FGF12: variants seen among roughly 807,000 people sequenced by gnomAD.
FGF12 encodes fibroblast growth factor 12.
FGF12 carries 14 observed loss-of-function variants against 23.6 expected under a neutral mutation model. That is an observed-to-expected ratio of 0.59 (90% confidence interval 0.39 to 0.93). The LOEUF (loss-of-function observed/expected upper bound fraction) is 0.93, where lower values mean the gene tolerates loss of function less well. Ranked by LOEUF, FGF12 falls within the 40% of genes least tolerant of loss-of-function variation. FGF12 has a pLI of 0.00. For missense variants in FGF12, 175 were observed against 217.8 expected (o/e 0.80, Z 1.24); for synonymous variants, 62 against 77.3 (o/e 0.80, Z 1.04).
chr3:192,145,028 T>G (rs9829249), intron 5 of FGF12, among the ~76,000 whole-genome samples: 94,767 of 152,044 alleles, frequency 0.62, 31,191 homozygotes, highest in Non-Finnish European at 0.73. Flanking sequence ...AAACCATCAT[T>G]ACAAAGATTT....
chr3:192,200,876 T>C (rs114580074), intron 4 of FGF12, among the ~76,000 whole-genome samples: 68 of 151,904 alleles, frequency 4.5e-4, no homozygotes, highest in Admixed American at 1.2e-3. Context: ...TAGGCTCCCA[T>C]TAGAACCAGA....
intron 2 of FGF12, among the ~76,000 whole-genome samples, chr3:192,507,366 CACACACACACACACAT>C (rs1373925164): frequency 1.2e-3 from 187 of 150,758 alleles, no homozygotes; most frequent in African/African-American, 4.0e-3. Context: ...CACACACACA[CACACACACACACACAT>C]ACAAGCACAC....
At chr3:192,197,609 A>G (rs1291101155) in intron 4 of FGF12, among the ~76,000 whole-genome samples, 1 of 152,114 alleles carries the variant, frequency 6.6e-6, no homozygotes. Context: ...GAACTCACCA[A>G]TGAGGTAACA....
intron 2 of FGF12, among the ~76,000 whole-genome samples, chr3:192,634,272 G>T (rs1353613118): frequency 2.0e-5 from 3 of 151,688 alleles, no homozygotes; most frequent in African/African-American, 4.8e-5. Context: ...TACATCCATG[G>T]ATTCAACCAA....
chr3:192,365,571 TA>T (rs754260058), intron 2 of FGF12, among the ~76,000 whole-genome samples: 7 of 151,894 alleles, frequency 4.6e-5, no homozygotes, highest in South Asian at 4.2e-4. Flanking sequence ...CTCTATAAAT[TA>T]AAAAAAATTC....
chr3:192,172,283 G>T (rs577498594), intron 4 of FGF12, among the ~76,000 whole-genome samples: 32 of 150,228 alleles, frequency 2.1e-4, no homozygotes, highest in African/African-American at 7.3e-4. Context: ...CAGCTACTCG[G>T]GAGGCTGAGG....
At chr3:192,454,991 G>C (rs1437398976) in intron 2 of FGF12, among the ~76,000 whole-genome samples, 1 of 151,944 alleles carries the variant, frequency 6.6e-6, no homozygotes, top group African/African-American at 2.4e-5. Flanking sequence ...TTTCAAATGG[G>C]GAGAATACTT....
intron 2 of FGF12, among the ~76,000 whole-genome samples, chr3:192,566,664 G>A (rs1280370888): frequency 1.3e-5 from 2 of 152,068 alleles, no homozygotes; most frequent in African/African-American, 4.8e-5. Flanking sequence ...AGATTTGTCC[G>A]TCATAATATT....
chr3:192,423,548 A>C (rs1297928221), intron 2 of FGF12, among the ~76,000 whole-genome samples: 1 of 152,198 alleles, frequency 6.6e-6, no homozygotes, highest in African/African-American at 2.4e-5. Context: ...ACGTGCAAAG[A>C]TTTAGATATG....
In FGF12 at chr3:192,408,280, C is replaced by T. The variant is rs963692415; in HGVS notation, c.14-47742G>A. Reference sequence around the variant, plus strand: ...TCTACTGCGCCCTCCGGCTTGCGCTCCGCCGGGGCGAGGGCAGGACCTGGG... The same window carrying T: ...TCTACTGCGCCCTCCGGCTTGCGCTTCGCCGGGGCGAGGGCAGGACCTGGG... On this transcript the variant is annotated intron_variant, in intron 2 of 5. Transcript: ENST00000445105. This position sits in a 1 kb window ranked among gnomAD's most constrained non-coding sequence, Gnocchi z 7.3. The T allele has an allele frequency of 2.0e-6, 3 of 1,498,846 alleles. No homozygotes were observed. Among genetic ancestry groups the T allele is most frequent in the South Asian group, 2.6e-5 (2 of 76,938 alleles). 92.8% of individuals were successfully genotyped at this position (1,498,846 alleles called of 1,614,324 possible). A position where few individuals can be genotyped will look rare whatever the true frequency, so the allele number is the denominator to read the frequency against.
At chr3:192,694,982 C>T (rs1427235751) in intron 2 of FGF12, among the ~76,000 whole-genome samples, 1 of 151,422 alleles carries the variant, frequency 6.6e-6, no homozygotes, top group Admixed American at 6.6e-5. Context: ...AATATTTGTA[C>T]ATATACTAAA....
intron 2 of FGF12, among the ~76,000 whole-genome samples, chr3:192,637,494 C>A (rs1285751039): frequency 6.6e-6 from 1 of 152,152 alleles, no homozygotes; most frequent in African/African-American, 2.4e-5. Flanking sequence ...CTGCCACTTA[C>A]CAAATGTGCC....
intron 2 of FGF12, among the ~76,000 whole-genome samples, chr3:192,476,498 A>G (rs1051676448): frequency 4.6e-5 from 7 of 152,218 alleles, no homozygotes; most frequent in African/African-American, 1.7e-4. Context: ...GAATGAATTG[A>G]TCAATGGCAT....
chr3:192,268,158 T>C (rs1433376431), intron 4 of FGF12, among the ~76,000 whole-genome samples: 2 of 152,194 alleles, frequency 1.3e-5, no homozygotes, highest in Non-Finnish European at 2.9e-5. Flanking sequence ...GCTATTTTCC[T>C]TGTCACTTTT....
At chr3:192,526,920 A>G (rs1724958742) in intron 2 of FGF12, among the ~76,000 whole-genome samples, 1 of 152,204 alleles carries the variant, frequency 6.6e-6, no homozygotes, top group Non-Finnish European at 1.5e-5. Flanking sequence ...CAAGTATGAT[A>G]AAAATAAAGG....
chr3:192,272,744 C>T (rs1713526789), intron 4 of FGF12, among the ~76,000 whole-genome samples: 1 of 152,160 alleles, frequency 6.6e-6, no homozygotes, highest in South Asian at 2.1e-4. Flanking sequence ...AGCTCTCCAT[C>T]ACCAAGAGAG....
At chr3:192,370,224 T>C (rs1420942426) in intron 2 of FGF12, among the ~76,000 whole-genome samples, 1 of 152,206 alleles carries the variant, frequency 6.6e-6, no homozygotes, top group Non-Finnish European at 1.5e-5. Context: ...TGTCCAAACT[T>C]TTCTAATTAT....
chr3:192,211,142 G>A (rs924924331), intron 4 of FGF12, among the ~76,000 whole-genome samples: 1 of 152,148 alleles, frequency 6.6e-6, no homozygotes, highest in African/African-American at 2.4e-5. Context: ...CTGAAAGCTT[G>A]GATTTGAGGG....
intron 2 of FGF12, among the ~76,000 whole-genome samples, chr3:192,687,767 C>T (rs1021146799): frequency 6.6e-6 from 1 of 152,126 alleles, no homozygotes; most frequent in East Asian, 1.9e-4. Flanking sequence ...GTGCATATCT[C>T]CAGCTCAGGC....
Sources: allele counts gnomAD v4.1 joint callset (sites outside exome capture counted in the v4.1 genomes callset), GRCh38; gene constraint gnomAD v4.1.1; non-coding constraint Gnocchi (gnomAD v3.1); transcripts MANE v1.5; gene names NCBI Gene and HGNC (gene_info 2026-07-23, HGNC 2026-07-21).